Variants in PLCG2 observed in about 807,000 individuals in gnomAD.
PLCG2 encodes phospholipase C gamma 2.
PLCG2 carries 69 observed loss-of-function variants against 175.6 expected under a neutral mutation model. The observed-to-expected ratio is 0.39, with a 90% CI of 0.32 to 0.48. PLCG2 has a LOEUF of 0.48. Ranked by LOEUF, PLCG2 falls within the 20% of genes least tolerant of loss-of-function variation. The pLI is 0.91. For missense variants in PLCG2, 1,798 were observed against 1,650.9 expected, an observed-to-expected ratio of 1.09 and a Z score of -1.54; for synonymous variants, 827 against 624.0, an observed-to-expected ratio of 1.33 and a Z score of -4.85.
At chr16:81,782,989 C>G (rs984572787) in intron 1 of PLCG2, 18 of 395,502 alleles carry the variant, frequency 4.6e-5, no homozygotes, top group Non-Finnish European at 7.9e-5. Flanking sequence ...GCATGGAAGT[C>G]TGGTGTTTAT....
Position 81,912,597 on chromosome 16 carries a change from G to T in PLCG2, c.1935G>T (p.Pro645=). The part of the protein sequence containing the change: ...VPNPNPHESK[P]WYYDSLSRGE... ...CGTTTTCCCTGGCCCTGTGCCGCAG[G>T]TGGTACTATGACAGCCTGAGCCGCG... Residue 645 remains proline, a splice_region_variant and synonymous_variant, in exon 19 of 33, where the codon CCG becomes CCT. Coordinates refer to ENST00000564138, the MANE Select transcript of PLCG2 (RefSeq NM_002661.5). 2 of 1,612,996 alleles carry T rather than the reference G, an allele frequency of 1.2e-6. No homozygotes were observed. Among genetic ancestry groups the T allele is most frequent in the East Asian group, 2.2e-5 (1 of 44,834 alleles).
At chr16:81,935,426 TAAA>T in intron 26 of PLCG2, 1 of 516,504 alleles carries the variant, frequency 1.9e-6, no homozygotes, top group Non-Finnish European at 2.5e-6. Context: ...GGGGGCCATT[TAAA>T]AAAAAAAAGA....
At position 81,795,080 on chromosome 16, in the gene PLCG2, G is replaced by A. The variant is rs150843048; in HGVS notation, c.193+8898G>A. 1.2e-4 allele frequency among the ~76,000 whole-genome samples: 18 copies of A among 152,336 alleles called. No individual in the cohort carries two copies. The East Asian group carries it at 3.5e-3, about 29-fold the overall frequency. ...TGTTGATTTAGCAAATACTCAAAGA[G>A]GACCTGATGTGTGTTGGGCAATGTG... On this transcript the variant is annotated intron_variant, in intron 2 of 32. Coordinates refer to ENST00000564138, the MANE Select transcript of PLCG2 (RefSeq NM_002661.5).
intron 5 of PLCG2, among the ~76,000 whole-genome samples, chr16:81,864,224 A>C (rs1907118114): frequency 6.6e-6 from 1 of 152,176 alleles, no homozygotes; most frequent in South Asian, 2.1e-4. Context: ...CATTTCAACC[A>C]ATCCCCAGGT....
At chr16:81,875,057 G>C (rs1230776244) in intron 7 of PLCG2, among the ~76,000 whole-genome samples, 1 of 149,072 alleles carries the variant, frequency 6.7e-6, no homozygotes, top group Non-Finnish European at 1.5e-5. Flanking sequence ...TCTTCCTTCC[G>C]GGTTCAAGCG....
At chr16:81,809,065 TGA>T (rs1904296387) in intron 2 of PLCG2, among the ~76,000 whole-genome samples, 2 of 152,272 alleles carry the variant, frequency 1.3e-5, no homozygotes, top group South Asian at 2.1e-4. Flanking sequence ...GAGTAGCTCA[TGA>T]GAGAGTGGGA....
intron 5 of PLCG2, among the ~76,000 whole-genome samples, chr16:81,867,369 A>G (rs1454385337): frequency 6.6e-6 from 1 of 152,086 alleles, no homozygotes; most frequent in Non-Finnish European, 1.5e-5. Flanking sequence ...CCACCCCACT[A>G]ATTTCACTTC....
At chr16:81,744,296 C>G (rs181328252) in intron 1 of PLCG2, among the ~76,000 whole-genome samples, 1 of 151,778 alleles carries the variant, frequency 6.6e-6, no homozygotes, top group South Asian at 2.1e-4. Context: ...TCCCAAGTAG[C>G]TGGGATTACA....
At chr16:81,937,934 AGCCAGCC>A in intron 28 of PLCG2, 31 bp downstream of exon 28, 1 of 1,610,730 alleles carries the variant, frequency 6.2e-7, no homozygotes, top group African/African-American at 1.3e-5. Context: ...CTGCCAGGGG[AGCCAGCC>A]GCCCTCCCTG....
chr16:81,824,026 TTCCTTTCCTTTCCTTTCCTTTCCTG>T (rs1176195919), intron 2 of PLCG2, among the ~76,000 whole-genome samples: 572 of 45,884 alleles, frequency 0.012, 4 homozygotes, highest in African/African-American at 0.034. Context: ...TTCCTTTCCT[TTCCTTTCCTTTCCTTTCCTTTCCTG>T]TCCTGTCCTG....
Position 81,938,836 on chromosome 16 carries a change from A to C in PLCG2, c.3234A>C (p.Arg1078=). 1 of 1,613,338 alleles carries C rather than the reference A, an allele frequency of 6.2e-7. No individual in the cohort carries two copies. Among genetic ancestry groups the C allele is most frequent in the Non-Finnish European group, 8.5e-7 (1 of 1,179,630 alleles). ...CTCGCCATCTCCCCAAACTTGGACG[A>C]AGTATTGCCTGTCCCTTTGTAGAAG... is the stretch of plus-strand genomic sequence containing the variant. ...LGARHLPKLG[R]SIACPFVEVE... The change falls in exon 29 of 33, where the codon CGA becomes CGC. Residue 1078 remains arginine, a synonymous_variant. Transcript: ENST00000564138.
chr16:81,821,679 G>A (rs1194589271), intron 2 of PLCG2, among the ~76,000 whole-genome samples: 1 of 152,180 alleles, frequency 6.6e-6, no homozygotes, highest in Non-Finnish European at 1.5e-5. Flanking sequence ...AGAAAAAAAT[G>A]TATAAGCAGC....
intron 2 of PLCG2, among the ~76,000 whole-genome samples, chr16:81,761,139 C>G (rs1490099355): frequency 2.0e-5 from 3 of 152,172 alleles, no homozygotes; most frequent in African/African-American, 7.2e-5. Flanking sequence ...TCAAGTGATC[C>G]TCCCACCTTA....
Position 81,889,109 on chromosome 16 carries a change from G to A in PLCG2, c.766-63G>A, listed in dbSNP as rs868082766. On this transcript the variant is annotated intron_variant, in intron 9 of 32. Coordinates refer to ENST00000564138, the MANE Select transcript of PLCG2 (RefSeq NM_002661.5). ...CTTCGATTGCGACTGGATGGACCCT[G>A]GGAAATGAAGAATTTTATCAGTTCT... is the stretch of plus-strand genomic sequence containing the variant. 39 of 1,005,438 alleles carry A rather than the reference G, an allele frequency of 3.9e-5. 1 individual carries two copies. The South Asian group carries it at 4.0e-4, about 10-fold the overall frequency. 62.3% of individuals were successfully genotyped at this position (1,005,438 alleles called of 1,614,324 possible). A position where few individuals can be genotyped will look rare whatever the true frequency, so the allele number is the denominator to read the frequency against.
intron 1 of PLCG2, among the ~76,000 whole-genome samples, chr16:81,744,307 G>A (rs1909660869): frequency 6.6e-6 from 1 of 151,868 alleles, no homozygotes; most frequent in Admixed American, 6.6e-5. Flanking sequence ...TGGGATTACA[G>A]GTGCCCGCCA....
intron 31 of PLCG2, 48 bp from the exon 32 acceptor site, chr16:81,956,647 T>C (rs1911579913): frequency 6.5e-7 from 1 of 1,537,966 alleles, no homozygotes; most frequent in Non-Finnish European, 8.9e-7. Context: ...CATTTTGGTT[T>C]GGAAGGTGTA....
rs183981563 is a variant in PLCG2 at position 81,782,000 on chromosome 16, T to C, written c.-48+2576T>C. On this transcript the variant is annotated intron_variant, in intron 1 of 32. Coordinates refer to ENST00000564138, the MANE Select transcript of PLCG2 (RefSeq NM_002661.5). The stretch of plus-strand genomic sequence containing the variant: ...CTTTCTCCTGCCTCAGCCTCACGAG[T>C]AGCTGGGATTACAGGCATGTGCCAC... Among the ~76,000 whole-genome samples, 86 of 151,942 alleles carry C rather than the reference T, an allele frequency of 5.7e-4. 1 individual carries two copies. Among genetic ancestry groups the C allele is most frequent in the African/African-American group, 2.0e-3 (84 of 41,436 alleles).
At chr16:81,744,288 C>A (rs953798236) in intron 1 of PLCG2, among the ~76,000 whole-genome samples, 2 of 151,964 alleles carry the variant, frequency 1.3e-5, no homozygotes, top group African/African-American at 4.8e-5. Flanking sequence ...CCTCAGCCTC[C>A]CAAGTAGCTG....
At chr16:81,899,521 G>A (rs533132048) in intron 13 of PLCG2, among the ~76,000 whole-genome samples, 4 of 152,278 alleles carry the variant, frequency 2.6e-5, no homozygotes, top group East Asian at 1.9e-4. Context: ...AGACTCATGC[G>A]ATGCACACGT....
Sources: allele counts gnomAD v4.1 joint callset (sites outside exome capture counted in the v4.1 genomes callset), GRCh38; gene constraint gnomAD v4.1.1; transcripts MANE v1.5; gene names NCBI Gene and HGNC (gene_info 2026-07-23, HGNC 2026-07-21).